The following CTNNA2 variants were observed in gnomAD, a reference collection of about 807,000 sequenced individuals.
CTNNA2 encodes catenin alpha-2.
In CTNNA2, 42 loss-of-function variants were observed where a neutral mutation model predicts 101.0. The observed-to-expected ratio is 0.42, with a 90% confidence interval of 0.32 to 0.54. CTNNA2 has a LOEUF of 0.54. CTNNA2 is among the 20% of genes least tolerant of loss of function. CTNNA2 has a pLI of 0.14. For synonymous variants in CTNNA2, 450 were observed against 456.4 expected, an observed-to-expected ratio of 0.99 and a Z score of 0.18; for missense variants, 871 against 1,223.1, an observed-to-expected ratio of 0.71 and a Z score of 4.29.
At chr2:79,870,647 C>T (rs1225537956) in intron 5 of CTNNA2, among the ~76,000 whole-genome samples, 1 of 152,116 alleles carries the variant, frequency 6.6e-6, no homozygotes, top group African/African-American at 2.4e-5. Context: ...ATTTAACTGA[C>T]TCACAGTTCC....
At chr2:80,016,762 G>C (rs1420463725) in intron 7 of CTNNA2, among the ~76,000 whole-genome samples, 5 of 152,130 alleles carry the variant, frequency 3.3e-5, no homozygotes, top group African/African-American at 1.2e-4. Flanking sequence ...GGAAGGCCCA[G>C]TGAGACATTT....
intron 9 of CTNNA2, among the ~76,000 whole-genome samples, chr2:80,506,236 T>A (rs1181832336): frequency 6.6e-6 from 1 of 152,018 alleles, no homozygotes; most frequent in Non-Finnish European, 1.5e-5. Context: ...GTTAGAGGAG[T>A]CGAGGAGGCT....
At chr2:80,474,309 G>T (rs770289081) in intron 9 of CTNNA2, among the ~76,000 whole-genome samples, 1 of 152,124 alleles carries the variant, frequency 6.6e-6, no homozygotes, top group Non-Finnish European at 1.5e-5. Context: ...TTGCTGCTTT[G>T]CCCTGAGCCT....
intron 7 of CTNNA2, among the ~76,000 whole-genome samples, chr2:80,385,046 G>C (rs1159635610): frequency 1.3e-5 from 2 of 151,884 alleles, no homozygotes; most frequent in African/African-American, 4.8e-5. Context: ...CATTGACTTA[G>C]AAAAATTTAC....
chr2:79,516,782 C>G (rs1319981544), intron 1 of CTNNA2, among the ~76,000 whole-genome samples: 14 of 152,118 alleles, frequency 9.2e-5, no homozygotes, highest in Non-Finnish European at 7.4e-5. Context: ...AGAGGGAAAA[C>G]TTGACCTTTG....
intron 1 of CTNNA2, among the ~76,000 whole-genome samples, chr2:79,615,845 G>A (rs1177652209): frequency 1.3e-5 from 2 of 152,116 alleles, no homozygotes; most frequent in African/African-American, 4.8e-5. Context: ...TGCGTGTTGG[G>A]GAGTTGTATA....
intron 4 of CTNNA2, among the ~76,000 whole-genome samples, chr2:79,421,734 T>A (rs1678542093): frequency 2.0e-5 from 3 of 152,058 alleles, no homozygotes; most frequent in Admixed American, 2.0e-4. Context: ...TCCACTTCTT[T>A]GAAGTGGAAA....
intron 3 of CTNNA2, among the ~76,000 whole-genome samples, chr2:79,317,313 T>C (rs1676520079): frequency 6.6e-6 from 1 of 152,110 alleles, no homozygotes; most frequent in South Asian, 2.1e-4. Flanking sequence ...TTTGCTACTC[T>C]TTTATTGAGG....
intron 7 of CTNNA2, among the ~76,000 whole-genome samples, chr2:80,278,929 C>T (rs1191726865): frequency 6.6e-6 from 1 of 152,016 alleles, no homozygotes; most frequent in Non-Finnish European, 1.5e-5. Flanking sequence ...TGTACCACTG[C>T]ACTCTAGCCT....
intron 2 of CTNNA2, among the ~76,000 whole-genome samples, chr2:79,654,529 TC>T (rs1403891265): frequency 6.6e-6 from 1 of 152,186 alleles, no homozygotes; most frequent in Admixed American, 6.5e-5. Flanking sequence ...CTTCGATGAA[TC>T]TTAACTCTAC....
chr2:79,302,556 A>C (rs2104391650), intron 2 of CTNNA2, among the ~76,000 whole-genome samples: 1 of 152,272 alleles, frequency 6.6e-6, no homozygotes, highest in African/African-American at 2.4e-5. Context: ...CTGTCTTCTT[A>C]ATGAAGATTG....
chr2:79,749,161 G>A lies in CTNNA2; in HGVS notation c.298+4579G>A, dbSNP rs72822600. The stretch of plus-strand genomic sequence containing the variant: ...ATCCCCTCTACACCCCATGTTCCAT[G>A]GGCTGGGCTGGGGGCTCAGATGTTA... On this transcript the variant is annotated intron_variant, in intron 3 of 18. Transcript: ENST00000402739. Among the ~76,000 whole-genome samples the A allele has an allele frequency of 8.5e-3, 1,294 of 152,096 alleles. 5 individuals are homozygous for A. Among genetic ancestry groups the A allele is most frequent in the Middle Eastern group, 0.017 (5 of 294 alleles).
intron 4 of CTNNA2, among the ~76,000 whole-genome samples, chr2:79,487,432 T>C (rs1041275783): frequency 6.6e-6 from 1 of 152,232 alleles, no homozygotes; most frequent in African/African-American, 2.4e-5. Flanking sequence ...CAACAGAGTG[T>C]AGTGAACATT....
chr2:79,372,347 T>C (rs1447431290), intron 3 of CTNNA2, among the ~76,000 whole-genome samples: 1 of 152,172 alleles, frequency 6.6e-6, no homozygotes, highest in East Asian at 1.9e-4. Flanking sequence ...TAGAGTTACC[T>C]ACTCATTTGT....
chr2:79,628,637 G>C (rs1228125982), intron 1 of CTNNA2, among the ~76,000 whole-genome samples: 1 of 152,226 alleles, frequency 6.6e-6, no homozygotes, highest in East Asian at 1.9e-4. Context: ...GATGATTCCT[G>C]CTGATTTCTA....
intron 3 of CTNNA2, among the ~76,000 whole-genome samples, chr2:79,813,447 ATGAAT>A (rs1034872067): frequency 6.6e-6 from 1 of 152,200 alleles, no homozygotes; most frequent in African/African-American, 2.4e-5. Flanking sequence ...AGTCTTATTG[ATGAAT>A]TGAATTATGG....
intron 7 of CTNNA2, among the ~76,000 whole-genome samples, chr2:80,376,888 T>G (rs2149342441): frequency 6.6e-6 from 1 of 152,286 alleles, no homozygotes; most frequent in South Asian, 2.1e-4. Context: ...TTACAGGTGC[T>G]CAGTTTGATT....
intron 7 of CTNNA2, among the ~76,000 whole-genome samples, chr2:80,290,675 G>A: frequency 6.6e-6 from 1 of 151,676 alleles, no homozygotes; most frequent in South Asian, 2.1e-4. Flanking sequence ...TGTACTATAT[G>A]TATATCTGTG....
intron 4 of CTNNA2, among the ~76,000 whole-genome samples, chr2:79,396,931 A>G (rs1169516421): frequency 7.9e-5 from 12 of 152,126 alleles, no homozygotes; most frequent in Admixed American, 7.2e-4. Context: ...AGTGGTTCTC[A>G]AGCTTAAGTG....
Sources: gnomAD v4.1 joint callset for allele counts (sites outside exome capture counted in the v4.1 genomes callset) on GRCh38, gnomAD v4.1.1 for gene constraint, MANE v1.5 for transcripts, NCBI Gene and HGNC (gene_info 2026-07-23, HGNC 2026-07-21) for gene names.